The following TEX101 variants were observed in gnomAD, a reference collection of about 807,000 sequenced individuals.
TEX101 encodes testis expressed 101, also known as testis-expressed protein 101.
A neutral mutation model predicts 18.1 loss-of-function variants in TEX101; 10 were observed. That is an observed-to-expected ratio of 0.55 (90% CI 0.34 to 0.94). The LOEUF is 0.94. TEX101 is among the 40% of genes least tolerant of loss of function. The pLI, the probability that TEX101 is intolerant of heterozygous loss-of-function variation, is 0.02. For missense variants in TEX101, 259 were observed against 298.9 expected (o/e 0.87, Z 0.98); for synonymous variants, 94 against 114.8 (o/e 0.82, Z 1.16).
At chr19:43,391,406 C>CTTTTTTTTTTTTT in the TEX101 span, among the ~76,000 whole-genome samples, 77 of 95,874 alleles carry the variant, frequency 8.0e-4, no homozygotes, top group Non-Finnish European at 1.0e-3. Context: ...TTCTGTTTTT[C>CTTTTTTTTTTTTT]TTTTTTTTTT....
At chr19:43,389,434 AC>A in the TEX101 span, among the ~76,000 whole-genome samples, 3 of 151,668 alleles carry the variant, frequency 2.0e-5, no homozygotes, top group Non-Finnish European at 3.0e-5. Context: ...AAGCTTCTGG[AC>A]TCCAGGGCCA....
chr19:43,406,008 T>C (rs1248817250), intron 2 of TEX101, among the ~76,000 whole-genome samples: 1 of 136,696 alleles, frequency 7.3e-6, no homozygotes, highest in Admixed American at 8.5e-5. Context: ...AGCCAGCATA[T>C]AAGAGGCAGG....
chr19:43,407,626 G>T (rs1461579769), intron 3 of TEX101, among the ~76,000 whole-genome samples: 2 of 152,246 alleles, frequency 1.3e-5, no homozygotes, highest in African/African-American at 4.8e-5. Context: ...AGGTCCCCAG[G>T]TTCAGACGTT....
At chr19:43,406,939 T>TG (rs953016438) in intron 3 of TEX101, among the ~76,000 whole-genome samples, 14 of 150,898 alleles carry the variant, frequency 9.3e-5, no homozygotes, top group African/African-American at 2.9e-4. Context: ...TTGTTTTTTT[T>TG]TTTTTTTTTG....
At chr19:43,394,389 G>A in the TEX101 span, among the ~76,000 whole-genome samples, 1 of 151,888 alleles carries the variant, frequency 6.6e-6, no homozygotes, top group Middle Eastern at 3.2e-3. Context: ...AAAACACCCA[G>A]ACTCCAGAGA....
At chr19:43,411,629 ATTTTCTTTT>A (rs571071318), upstream of TEX101, among the ~76,000 whole-genome samples, 156 of 150,968 alleles carry the variant, frequency 1.0e-3, 1 homozygote, top group South Asian at 5.0e-3. Flanking sequence ...TAACCTCCTC[ATTTTCTTTT>A]TTTTCTTTTT....
rs575591906 is a variant in TEX101 at position 43,416,702 on chromosome 19, T to A, written c.391+147T>A. 9 of 798,040 alleles carry A rather than the reference T, an allele frequency of 1.1e-5. No homozygotes were observed. In the African/African-American group the frequency reaches 1.2e-4, roughly 11 times the overall value. The allele number at this position is 798,040 out of a possible 1,614,324, so 49.4% of individuals were successfully genotyped here. A position where few individuals can be genotyped will look rare whatever the true frequency, so the allele number is the denominator to read the frequency against. ...TTCAAGTAATTTTATGTTTCTGAAT[T>A]GTTCATTGGGATCTAAACACTGCTC... On this transcript the variant is annotated intron_variant, in intron 4 of 5. Transcript: ENST00000598265.
At chr19:43,416,750 G>T (rs529531075) in intron 4 of TEX101, among the ~76,000 whole-genome samples, 195 bp downstream of exon 4, 216 of 152,316 alleles carry the variant, frequency 1.4e-3, no homozygotes, top group Non-Finnish European at 2.6e-3. Context: ...TACCAGTGAA[G>T]CCTGGAGTGT....
At chr19:43,396,138 C>T in the TEX101 span, among the ~76,000 whole-genome samples, 1 of 152,226 alleles carries the variant, frequency 6.6e-6, no homozygotes, top group Non-Finnish European at 1.5e-5. Flanking sequence ...GATGCAGAGC[C>T]CACAGCCTCA....
upstream of TEX101, among the ~76,000 whole-genome samples, chr19:43,401,005 CAT>C (rs1277580251): frequency 2.0e-5 from 3 of 152,202 alleles, no homozygotes; most frequent in Non-Finnish European, 4.4e-5. Flanking sequence ...ATTTCTGACA[CAT>C]GTTCTATAGG....
intron 3 of TEX101, among the ~76,000 whole-genome samples, chr19:43,406,936 T>TTG (rs61332553): frequency 0.25 from 33,669 of 136,924 alleles, 4,351 homozygotes; most frequent in East Asian, 0.58. Flanking sequence ...TTTTTGTTTT[T>TTG]TTTTTTTTTT....
At position 43,416,266 on chromosome 19, in the gene TEX101, G is replaced by A. The variant is rs760130113; in HGVS notation, c.208+24G>A. 8 of 1,597,194 alleles carry A rather than the reference G, an allele frequency of 5.0e-6. No individual in the cohort carries two copies. In the South Asian group the frequency reaches 6.9e-5, roughly 14 times the overall value. ...AGGTGAAATGAGATGGGGCATTTGG[G>A]CTGGGTAGGAGGGAGGTTGATTATC... is the stretch of plus-strand genomic sequence containing the variant. On this transcript the variant is annotated intron_variant, in intron 3 of 5. Transcript: ENST00000598265.
chr19:43,409,722 TTGCACC>T (rs1970402320), intron 3 of TEX101, among the ~76,000 whole-genome samples: 1 of 151,982 alleles, frequency 6.6e-6, no homozygotes, highest in Non-Finnish European at 1.5e-5. Context: ...TGAGCCAAGA[TTGCACC>T]ATTGCACTCC....
chr19:43,393,642 A>G, the TEX101 span, among the ~76,000 whole-genome samples: 1 of 152,232 alleles, frequency 6.6e-6, no homozygotes, highest in Non-Finnish European at 1.5e-5. Context: ...ATCCCCATTC[A>G]TTACAGATCA....
rs748393420 is a variant in TEX101 at position 43,403,312 on chromosome 19, C to T, written c.-283+453C>T. Among the ~76,000 whole-genome samples, 92 of 152,116 alleles carry T rather than the reference C, an allele frequency of 6.0e-4. 1 individual carries two copies. The highest frequency in any genetic ancestry group is 1.6e-3 in the African/African-American group (65 of 41,422). On this transcript the variant is annotated intron_variant, in intron 2 of 7. Coordinates refer to the TEX101 transcript ENST00000602198. ...TTAAAGGTTTTCTAAATACTGTGTG[C>T]GGCACTAGAAACTTCATGCTGTATC...
At chr19:43,389,694 T>C in the TEX101 span, among the ~76,000 whole-genome samples, 1 of 152,190 alleles carries the variant, frequency 6.6e-6, no homozygotes, top group South Asian at 2.1e-4. Context: ...GGTTCTCCCT[T>C]AGGGAAGGGC....
At chr19:43,399,805 T>C, upstream of TEX101, among the ~76,000 whole-genome samples, 1 of 148,022 alleles carries the variant, frequency 6.8e-6, no homozygotes, top group African/African-American at 2.5e-5. Flanking sequence ...ATGTCCTATT[T>C]TTTTTTTTTT....
the TEX101 span, among the ~76,000 whole-genome samples, chr19:43,389,075 G>A: frequency 1.4e-3 from 219 of 152,210 alleles, no homozygotes; most frequent in Non-Finnish European, 2.4e-3. Context: ...GGCAGAAACC[G>A]GCTTCTCAGT....
At chr19:43,404,741 TTA>T (rs1017217019) in intron 2 of TEX101, among the ~76,000 whole-genome samples, 1 of 151,386 alleles carries the variant, frequency 6.6e-6, no homozygotes, top group Admixed American at 6.6e-5. Flanking sequence ...TAATAATAAA[TTA>T]TATATATGTT....
Sources: gnomAD v4.1 joint callset for allele counts (sites outside exome capture counted in the v4.1 genomes callset) on GRCh38, gnomAD v4.1.1 for gene constraint, MANE v1.5 for transcripts, NCBI Gene and HGNC (gene_info 2026-07-23, HGNC 2026-07-21) for gene names.